Variants in EPM2A observed in about 807,000 individuals in gnomAD.
EPM2A encodes the protein laforin.
A neutral mutation model predicts 26.5 loss-of-function variants in EPM2A; 21 were observed. The observed-to-expected ratio is 0.79, with a 90% CI of 0.56 to 1.14. The LOEUF (loss-of-function observed/expected upper bound fraction) is 1.14, where lower values mean the gene tolerates loss of function less well. EPM2A is among the 50% of genes most tolerant of loss of function. The pLI, the probability that EPM2A is intolerant of heterozygous loss-of-function variation, is 0.00. For missense variants in EPM2A, 458 were observed against 440.8 expected, an observed-to-expected ratio of 1.04 and a Z score of -0.35; for synonymous variants, 217 against 177.6, an observed-to-expected ratio of 1.22 and a Z score of -1.76.
intron 4 of EPM2A, among the ~76,000 whole-genome samples, chr6:145,479,352 C>T (rs1269842194): frequency 1.3e-5 from 2 of 148,240 alleles, no homozygotes; most frequent in African/African-American, 4.9e-5. Context: ...GTATTAATTG[C>T]ATTCACAATG....
chr6:145,722,154 T>C (rs1042316276), intron 1 of EPM2A, among the ~76,000 whole-genome samples: 3 of 152,210 alleles, frequency 2.0e-5, no homozygotes, highest in Admixed American at 6.5e-5. Flanking sequence ...CTGGCATAAT[T>C]TTATTTTGGA....
rs2128649836 is a variant in EPM2A, at chr6:145,735,396, G to C, written c.103C>G (p.Arg35Gly). Residue 35 changes from arginine to glycine, a missense_variant, in exon 1 of 4, where the codon CGC becomes GGC. Arg to Gly is a moderately radical substitution (Grantham distance 125). Coordinates refer to ENST00000367519, the MANE Select transcript of EPM2A (RefSeq NM_005670.4). Reference sequence around the variant, plus strand: ...GCCGGCCTCAGGCGGACGGCACCGCGCGGCTCCCAACGCCCCAGCTCGGGC... The same window carrying C: ...GCCGGCCTCAGGCGGACGGCACCGCCCGGCTCCCAACGCCCCAGCTCGGGC... ...SRPELGRWEP[R>G]GAVRLRPAGT... 1 of 1,236,124 alleles carries C rather than the reference G, an allele frequency of 8.1e-7. No individual in the cohort carries two copies. Among genetic ancestry groups the C allele is most frequent in the South Asian group, 2.8e-5 (1 of 35,116 alleles). 76.6% of individuals were successfully genotyped at this position (1,236,124 alleles called of 1,614,324 possible).
intron 2 of EPM2A, among the ~76,000 whole-genome samples, chr6:145,583,263 G>A (rs911684481): frequency 1.3e-5 from 2 of 152,066 alleles, no homozygotes; most frequent in Non-Finnish European, 2.9e-5. Flanking sequence ...TCTTGCATTA[G>A]TTCTTTCTTA....
chr6:145,561,761 CA>C (rs1380619642), intron 2 of EPM2A, among the ~76,000 whole-genome samples: 3 of 152,110 alleles, frequency 2.0e-5, no homozygotes, highest in Non-Finnish European at 4.4e-5. Context: ...GTCTTTATAT[CA>C]GACAGCGTTT....
intron 1 of EPM2A, among the ~76,000 whole-genome samples, chr6:145,689,281 T>A (rs1187545892): frequency 6.6e-6 from 1 of 152,216 alleles, no homozygotes; most frequent in African/African-American, 2.4e-5. Context: ...TAATTTCACC[T>A]AATGAAATGG....
At chr6:145,597,460 C>T (rs947873418) in intron 2 of EPM2A, among the ~76,000 whole-genome samples, 1 of 149,204 alleles carries the variant, frequency 6.7e-6, no homozygotes, top group African/African-American at 2.5e-5. Context: ...TTGTATGTGA[C>T]CTGTTTATTT....
At chr6:145,428,764 G>C (rs982665927) in intron 4 of EPM2A, among the ~76,000 whole-genome samples, 36 of 152,266 alleles carry the variant, frequency 2.4e-4, no homozygotes, top group African/African-American at 8.2e-4. Flanking sequence ...CCTTAACATC[G>C]ACAGGCAACA....
At chr6:145,705,980 T>C (rs201107177) in intron 1 of EPM2A, 10 of 455,950 alleles carry the variant, frequency 2.2e-5, no homozygotes, top group Non-Finnish European at 3.5e-5. Context: ...ATTCAAGCAA[T>C]TTATTTAAAT....
chr6:145,571,498 C>G (rs1214182169), intron 2 of EPM2A, among the ~76,000 whole-genome samples: 1 of 152,188 alleles, frequency 6.6e-6, no homozygotes, highest in Non-Finnish European at 1.5e-5. Context: ...TTGGCAGAAG[C>G]AATGTGTGCC....
chr6:145,387,724 A>T (rs1473602864), intron 4 of EPM2A, among the ~76,000 whole-genome samples: 1 of 152,176 alleles, frequency 6.6e-6, no homozygotes, highest in Non-Finnish European at 1.5e-5. Flanking sequence ...ATTTTTATTA[A>T]GCTTTGAAAA....
chr6:145,409,041 A>C (rs1778607838), intron 4 of EPM2A, among the ~76,000 whole-genome samples: 2 of 152,182 alleles, frequency 1.3e-5, no homozygotes, highest in African/African-American at 4.8e-5. Flanking sequence ...TTTGCCCTTT[A>C]ATGGATTTTC....
chr6:145,623,584 C>A (rs929710761), downstream of EPM2A, among the ~76,000 whole-genome samples: 3 of 152,150 alleles, frequency 2.0e-5, no homozygotes, highest in Non-Finnish European at 4.4e-5. Context: ...TTGTACAGGA[C>A]CTCAAAGGGC....
chr6:145,684,722 A>C (rs1780784936), intron 2 of EPM2A: 3 of 152,206 alleles, frequency 2.0e-5, no homozygotes, highest in Admixed American at 2.0e-4. Context: ...TCAAAAAATG[A>C]CTAAAGTAGA....
chr6:145,578,367 G>A (rs1040448966), intron 2 of EPM2A, among the ~76,000 whole-genome samples: 9 of 152,110 alleles, frequency 5.9e-5, no homozygotes, highest in Admixed American at 4.6e-4. Context: ...ACATTACAAC[G>A]GATACCACAG....
intron 2 of EPM2A, 93 bp downstream of exon 2, chr6:145,686,029 G>T: frequency 4.4e-6 from 5 of 1,130,702 alleles, no homozygotes; most frequent in Non-Finnish European, 6.6e-6. Flanking sequence ...TCCCAAGTGA[G>T]GCACTGCAGT....
chr6:145,642,446 CCTG>C (rs1777155529), intron 2 of EPM2A, among the ~76,000 whole-genome samples: 1 of 152,098 alleles, frequency 6.6e-6, no homozygotes, highest in African/African-American at 2.4e-5. Context: ...TGAAATGATG[CCTG>C]CTTTTTGCCA....
At chr6:145,449,594 C>T (rs1230657739) in intron 4 of EPM2A, among the ~76,000 whole-genome samples, 4 of 152,258 alleles carry the variant, frequency 2.6e-5, no homozygotes, top group African/African-American at 9.6e-5. Flanking sequence ...GCTTTGCTAC[C>T]CAGTTCCAGA....
At chr6:145,621,843 C>T (rs1775643751), downstream of EPM2A, among the ~76,000 whole-genome samples, 1 of 152,132 alleles carries the variant, frequency 6.6e-6, no homozygotes, top group South Asian at 2.1e-4. Context: ...TGGATATTAA[C>T]TCCTTATCAG....
chr6:145,429,688 G>C (rs1380565067), intron 4 of EPM2A, among the ~76,000 whole-genome samples: 2 of 152,068 alleles, frequency 1.3e-5, no homozygotes, highest in Non-Finnish European at 2.9e-5. Context: ...ACATTATTGT[G>C]AAAACATAAG....
Sources: gnomAD v4.1 joint callset for allele counts (sites outside exome capture counted in the v4.1 genomes callset) on GRCh38, gnomAD v4.1.1 for gene constraint, MANE v1.5 for transcripts, NCBI Gene and HGNC (gene_info 2026-07-23, HGNC 2026-07-21) for gene names.